BICDL1: variants seen among roughly 807,000 people sequenced by gnomAD.
BICDL1 encodes BICD family like cargo adaptor 1, also known as BICD family-like cargo adapter 1.
In BICDL1, 20 loss-of-function variants were observed where a neutral mutation model predicts 76.8. That is an observed-to-expected ratio of 0.26 (90% confidence interval 0.18 to 0.38). BICDL1 has a LOEUF of 0.38. BICDL1 is among the 10% of genes least tolerant of loss of function. BICDL1 has a pLI of 1.00. For synonymous variants in BICDL1, 383 were observed against 337.1 expected (o/e 1.14, Z -1.49); for missense variants, 700 against 798.6 (o/e 0.88, Z 1.49).
intron 9 of BICDL1, chr12:120,092,409 CA>C (rs1223286501): frequency 2.0e-6 from 2 of 985,358 alleles, no homozygotes; most frequent in Non-Finnish European, 2.4e-6. Flanking sequence ...GCCTCTGCCG[CA>C]GATGGGAGCC....
In BICDL1 at chr12:120,080,991, C is replaced by T. The variant is rs748210058; in HGVS notation, c.1557C>T (p.Ile519=). 1 of 1,613,606 alleles carries T rather than the reference C, an allele frequency of 6.2e-7. No individual in the cohort carries two copies. Among genetic ancestry groups the T allele is most frequent in the African/African-American group, 1.3e-5 (1 of 74,876 alleles). ...CAAAGGAGCAGCTTCAGAAGGCCATCAGGGACCGCGACGAGGCCATTGCAA... is the reference window on the plus strand; with the variant it reads ...CAAAGGAGCAGCTTCAGAAGGCCATTAGGGACCGCGACGAGGCCATTGCAA... The part of the protein sequence containing the change: ...KEPKEQLQKA[I]RDRDEAIAKK... Residue 519 remains isoleucine, a synonymous_variant, in exon 8 of 10, where the codon ATC becomes ATT. Coordinates refer to ENST00000548673, the MANE Select transcript of BICDL1 (RefSeq NM_001367886.1).
intron 8 of BICDL1, among the ~76,000 whole-genome samples, chr12:120,084,645 A>AT (rs1258109779): frequency 6.6e-6 from 1 of 152,060 alleles, no homozygotes; most frequent in Non-Finnish European, 1.5e-5. Context: ...TCCCAGCACT[A>AT]TGAGAGGCCG....
chr12:119,994,055 A>G (rs895082749), intron 1 of BICDL1, among the ~76,000 whole-genome samples: 39 of 152,310 alleles, frequency 2.6e-4, no homozygotes, highest in African/African-American at 9.4e-4. Context: ...GTATTTATAC[A>G]CCTTTTTTCT....
chr12:119,998,456 G>T (rs1475131905), intron 1 of BICDL1, 65 bp from the exon 2 acceptor site: 2 of 1,430,698 alleles, frequency 1.4e-6, no homozygotes, highest in East Asian at 2.3e-5. Flanking sequence ...GGGACAGCGC[G>T]GAGAGAAAAA....
intron 9 of BICDL1, chr12:120,091,948 G>T: frequency 2.0e-6 from 2 of 985,314 alleles, no homozygotes; most frequent in Non-Finnish European, 2.4e-6. Context: ...TCCTGTGCTC[G>T]GACACCACAG....
intron 9 of BICDL1, chr12:120,091,323 A>G (rs1364713532): frequency 9.8e-7 from 1 of 1,015,590 alleles, no homozygotes; most frequent in African/African-American, 1.7e-5. Flanking sequence ...CTAAAGGGCG[A>G]CCTGGACAGA....
At chr12:120,084,249 G>A (rs1566268948) in intron 8 of BICDL1, among the ~76,000 whole-genome samples, 1 of 152,080 alleles carries the variant, frequency 6.6e-6, no homozygotes, top group Non-Finnish European at 1.5e-5. Context: ...TGAACCACCC[G>A]CCCTGGCCTC....
intron 2 of BICDL1, among the ~76,000 whole-genome samples, chr12:120,006,874 A>G (rs553391533): frequency 6.6e-6 from 1 of 152,220 alleles, no homozygotes; most frequent in South Asian, 2.1e-4. Flanking sequence ...GATTGATAAC[A>G]ACTTTTAAAA....
intron 1 of BICDL1, among the ~76,000 whole-genome samples, chr12:119,993,790 G>C (rs1457090362): frequency 6.6e-6 from 1 of 151,966 alleles, no homozygotes; most frequent in African/African-American, 2.4e-5. Flanking sequence ...GCTAATTTTT[G>C]TATTTTTTAG....
In BICDL1 at chr12:119,989,822, C is replaced by T; in HGVS notation, c.-47C>T. On this transcript the variant is annotated 5_prime_UTR_variant, in exon 1 of 10. Transcript: ENST00000548673. ...AGGGCCCCTCCCCCCTGCAGCCTGGCGCGCGCGGGCCGGGCCGCACCGCTG... is the reference window on the plus strand; with the variant it reads ...AGGGCCCCTCCCCCCTGCAGCCTGGTGCGCGCGGGCCGGGCCGCACCGCTG... 9.5e-7 allele frequency: 1 copy of T among 1,049,196 alleles called. No homozygotes were observed. Among genetic ancestry groups the T allele is most frequent in the Non-Finnish European group, 1.2e-6 (1 of 856,456 alleles). 65.0% of individuals were successfully genotyped at this position (1,049,196 alleles called of 1,614,324 possible).
chr12:120,017,088 G>C (rs1045879602), intron 2 of BICDL1, among the ~76,000 whole-genome samples: 1 of 152,084 alleles, frequency 6.6e-6, no homozygotes, highest in Non-Finnish European at 1.5e-5. Context: ...AGTAGAGACA[G>C]GGTTTCACTG....
chr12:119,989,952 C>A lies in BICDL1; in HGVS notation c.84C>A (p.Ala28=). ...GCGCCTGCTGCATGGAGCTGCCCGC[C>A]GCGGCCGGGGACGCAGTCCGGAGTC... is the stretch of plus-strand genomic sequence containing the variant. The part of the protein sequence containing the change: ...PDSACCMELP[A]AAGDAVRSPA... Residue 28 remains alanine (A), a synonymous_variant, in exon 1 of 10, where the codon GCC becomes GCA. Coordinates refer to ENST00000548673, the MANE Select transcript of BICDL1 (RefSeq NM_001367886.1). The A allele has an allele frequency of 6.8e-7, 1 of 1,465,474 alleles. No homozygotes were observed. Among genetic ancestry groups the A allele is most frequent in the Non-Finnish European group, 8.9e-7 (1 of 1,123,402 alleles). The allele number at this position is 1,465,474 out of a possible 1,614,324, so 90.8% of individuals were successfully genotyped here.
rs1400474232 is a variant in BICDL1, at chr12:119,989,498, G to T, written c.-371G>T. ...CAGCAGCGGCAGCGGCAACAGGGCGGCTGAGAACCCGGCGGCGGCGTTCCT... is the reference window on the plus strand; with the variant it reads ...CAGCAGCGGCAGCGGCAACAGGGCGTCTGAGAACCCGGCGGCGGCGTTCCT... On this transcript the variant is annotated 5_prime_UTR_variant, in exon 1 of 10. Coordinates refer to ENST00000548673, the MANE Select transcript of BICDL1 (RefSeq NM_001367886.1). 6.7e-6 allele frequency among the ~76,000 whole-genome samples: 1 copy of T among 149,740 alleles called. No individual in the cohort carries two copies. Among genetic ancestry groups the T allele is most frequent in the Admixed American group, 6.6e-5 (1 of 15,098 alleles).
Position 120,057,818 on chromosome 12 carries a change from C to CCTT in BICDL1, c.646-3892_646-3891insCTT, listed in dbSNP as rs1953008680. Among the ~76,000 whole-genome samples, 13 of 78,322 alleles carry CCTT rather than the reference C, an allele frequency of 1.7e-4. 2 individuals carry two copies. Among genetic ancestry groups the CCTT allele is most frequent in the Admixed American group, 3.1e-4 (2 of 6,370 alleles). The allele number at this position is 78,322 out of a possible 152,430, so 51.4% of individuals were successfully genotyped here. On this transcript the variant is annotated intron_variant, in intron 2 of 9. Transcript: ENST00000548673. ...TGCAAAAGGAGGCCAGCGATTCCTG[C>CCTT]TTTTTTTTTTTTTTTTTTTTTTTTT...
At chr12:120,010,494 G>A (rs1951931045) in intron 2 of BICDL1, among the ~76,000 whole-genome samples, 1 of 152,172 alleles carries the variant, frequency 6.6e-6, no homozygotes, top group Admixed American at 6.5e-5. Context: ...GAAAAGGGCT[G>A]TGGGTGCCAA....
chr12:120,083,022 C>T (rs563109365), intron 8 of BICDL1, among the ~76,000 whole-genome samples: 1 of 152,068 alleles, frequency 6.6e-6, no homozygotes, highest in South Asian at 2.1e-4. Flanking sequence ...ACCACCACGC[C>T]TGGCTAAGTT....
chr12:120,007,376 A>G (rs933451455), intron 2 of BICDL1, among the ~76,000 whole-genome samples: 1 of 152,152 alleles, frequency 6.6e-6, no homozygotes, highest in African/African-American at 2.4e-5. Flanking sequence ...ACTCTGTTCT[A>G]GTACCTTTCA....
At chr12:119,993,640 A>G (rs1361140629) in intron 1 of BICDL1, among the ~76,000 whole-genome samples, 13 of 148,818 alleles carry the variant, frequency 8.7e-5, no homozygotes, top group Non-Finnish European at 1.8e-4. Flanking sequence ...TTTTTGAGAC[A>G]GAGTCTTGCT....
At position 120,009,227 on chromosome 12, in the gene BICDL1, C is replaced by T. The variant is rs1028634644; in HGVS notation, c.645+10491C>T. The stretch of plus-strand genomic sequence containing the variant: ...GGTCTCGATCTTCTGACTTCATGAT[C>T]CGCCCGCCTCGGCCTCCCAAAGTGC... On this transcript the variant is annotated intron_variant, in intron 2 of 9. Coordinates refer to ENST00000548673, the MANE Select transcript of BICDL1 (RefSeq NM_001367886.1). 2.0e-5 allele frequency among the ~76,000 whole-genome samples: 3 copies of T among 152,080 alleles called. No individual in the cohort carries two copies. In the South Asian group the frequency reaches 6.2e-4, roughly 32 times the overall value.
Sources: gnomAD v4.1 joint callset for allele counts (sites outside exome capture counted in the v4.1 genomes callset) on GRCh38, gnomAD v4.1.1 for gene constraint, MANE v1.5 for transcripts, NCBI Gene and HGNC (gene_info 2026-07-23, HGNC 2026-07-21) for gene names.